HMGCLL1: variants seen among roughly 807,000 people sequenced by gnomAD.
HMGCLL1 encodes the protein 3-hydroxymethyl-3-methylglutaryl-CoA lyase, cytoplasmic.
In HMGCLL1, 36 loss-of-function variants were observed where a neutral mutation model predicts 39.1. The ratio of observed to expected loss-of-function variants is 0.92; its 90% confidence interval spans 0.71 to 1.22. The LOEUF (loss-of-function observed/expected upper bound fraction) is 1.22, where lower values mean the gene tolerates loss of function less well. HMGCLL1 is among the 50% of genes most tolerant of loss of function. The probability of loss-of-function intolerance (pLI) is 0.00; values close to 1 mark genes in which losing one functional copy is unlikely to be tolerated. For synonymous variants in HMGCLL1, 149 were observed against 144.0 expected (o/e 1.03, Z -0.25); for missense variants, 451 against 416.5 (o/e 1.08, Z -0.72).
chr6:55,543,470 C>CATATATCATATATGAT lies in HMGCLL1; in HGVS notation c.109-1331_109-1330insATCATATATGATATAT, dbSNP rs1561951597. On this transcript the variant is annotated intron_variant, in intron 1 of 8. Coordinates refer to ENST00000274901, the MANE Select transcript of HMGCLL1 (RefSeq NM_001042406.2). ...TATATATGATATATATCATATATATCATATATAATATATATATGATATATA... is the reference window on the plus strand; with the variant it reads ...TATATATGATATATATCATATATATCATATATCATATATGATATATATAATATATATATGATATATA... 1.4e-3 allele frequency among the ~76,000 whole-genome samples: 12 copies of CATATATCATATATGAT among 8,788 alleles called. 1 individual carries two copies. The highest frequency in any genetic ancestry group is 3.0e-3 in the African/African-American group (12 of 4,022). The allele number at this position is 8,788 out of a possible 152,430, so 5.8% of individuals were successfully genotyped here. A position where few individuals can be genotyped will look rare whatever the true frequency, so the allele number is the denominator to read the frequency against.
At chr6:55,443,642 G>A (rs1763698808) in intron 7 of HMGCLL1, among the ~76,000 whole-genome samples, 1 of 151,202 alleles carries the variant, frequency 6.6e-6, no homozygotes, top group African/African-American at 2.4e-5. Context: ...AATGACCAAT[G>A]TCACACTAGA....
At chr6:55,573,260 C>G (rs944519172) in intron 1 of HMGCLL1, among the ~76,000 whole-genome samples, 3 of 152,096 alleles carry the variant, frequency 2.0e-5, no homozygotes, top group Non-Finnish European at 4.4e-5. Context: ...AGAGAAATCC[C>G]ACCTGAGAAG....
At chr6:55,563,834 G>A in intron 1 of HMGCLL1, 1 of 1,270,552 alleles carries the variant, frequency 7.9e-7, no homozygotes, top group South Asian at 1.2e-5. Flanking sequence ...GTAAAAGAGG[G>A]AGAGGTGCCC....
At chr6:55,579,977 G>C (rs888248532), upstream of HMGCLL1, among the ~76,000 whole-genome samples, 1 of 152,120 alleles carries the variant, frequency 6.6e-6, no homozygotes, top group Non-Finnish European at 1.5e-5. Flanking sequence ...TTCGCAGTGG[G>C]TTCAGTGGTT....
chr6:55,480,256 A>T (rs1022500788), intron 7 of HMGCLL1, among the ~76,000 whole-genome samples: 1 of 151,676 alleles, frequency 6.6e-6, no homozygotes, highest in Non-Finnish European at 1.5e-5. Context: ...CGAATATACA[A>T]GGAGCTCAAA....
At chr6:55,612,923 A>G in the HMGCLL1 span, among the ~76,000 whole-genome samples, 10,270 of 152,158 alleles carry the variant, frequency 0.067, 498 homozygotes, top group East Asian at 0.17. Context: ...CAAAAAGCAT[A>G]TGTAACAAAA....
chr6:55,541,704 A>C, intron 3 of HMGCLL1, 25 bp downstream of exon 3: 1 of 1,170,612 alleles, frequency 8.5e-7, no homozygotes, highest in Non-Finnish European at 1.2e-6. Flanking sequence ...TTAGGATCTA[A>C]TTAAGAAATT....
the HMGCLL1 span, among the ~76,000 whole-genome samples, chr6:55,591,604 G>A: frequency 2.7e-5 from 4 of 147,230 alleles, no homozygotes; most frequent in Admixed American, 6.8e-5. Context: ...TGGCATACTC[G>A]TTAATACATT....
At chr6:55,675,104 A>G in the HMGCLL1 span, among the ~76,000 whole-genome samples, 2 of 152,272 alleles carry the variant, frequency 1.3e-5, no homozygotes, top group Non-Finnish European at 2.9e-5. Flanking sequence ...GTAAATAAAT[A>G]TTTTTGATCA....
intron 1 of HMGCLL1, among the ~76,000 whole-genome samples, chr6:55,576,066 T>G (rs1771746620): frequency 6.6e-6 from 1 of 152,196 alleles, no homozygotes; most frequent in Non-Finnish European, 1.5e-5. Flanking sequence ...GTGAATTGCT[T>G]CCTTAGTTTT....
chr6:55,543,208 T>A (rs796427361), intron 1 of HMGCLL1, among the ~76,000 whole-genome samples: 1 of 13,974 alleles, frequency 7.2e-5, no homozygotes, highest in African/African-American at 2.0e-4. Context: ...ATATTATATA[T>A]TATATATTAT....
the HMGCLL1 span, among the ~76,000 whole-genome samples, chr6:55,607,793 T>G: frequency 1.3e-5 from 2 of 152,126 alleles, no homozygotes; most frequent in Non-Finnish European, 2.9e-5. Flanking sequence ...TCCTCAAAAA[T>G]CTACTTCTCC....
At chr6:55,581,281 GT>G (rs1200962657), upstream of HMGCLL1, among the ~76,000 whole-genome samples, 2 of 151,574 alleles carry the variant, frequency 1.3e-5, no homozygotes, top group African/African-American at 2.4e-5. Flanking sequence ...AGTGATACGT[GT>G]TTTTTTACAG....
chr6:55,666,837 C>A, the HMGCLL1 span, among the ~76,000 whole-genome samples: 22 of 151,656 alleles, frequency 1.5e-4, 1 homozygote, highest in Admixed American at 1.3e-3. Flanking sequence ...ATGGAACATC[C>A]CTTAACCAGA....
rs574207170 is a variant in HMGCLL1 at position 55,493,417 on chromosome 6, C to A, written c.795+2002G>T. Among the ~76,000 whole-genome samples, 3 of 152,202 alleles carry A rather than the reference C, an allele frequency of 2.0e-5. No homozygotes were observed. In the South Asian group the frequency reaches 6.2e-4, roughly 32 times the overall value. On this transcript the variant is annotated intron_variant, in intron 7 of 8. Coordinates refer to ENST00000274901, the MANE Select transcript of HMGCLL1 (RefSeq NM_001042406.2). The stretch of plus-strand genomic sequence containing the variant: ...CTCATTAATGTTCCTTATCTTGCTT[C>A]GGCCCAACGTTGTTTCCTGTCCCCT...
At chr6:55,437,343 C>T (rs1210992494) in intron 8 of HMGCLL1, among the ~76,000 whole-genome samples, 1 of 151,656 alleles carries the variant, frequency 6.6e-6, no homozygotes, top group Non-Finnish European at 1.5e-5. Context: ...AATTCTGTAC[C>T]ATAGTTAAAG....
At chr6:55,604,111 C>CTTTTTT in the HMGCLL1 span, among the ~76,000 whole-genome samples, 7 of 151,892 alleles carry the variant, frequency 4.6e-5, no homozygotes, top group Non-Finnish European at 1.0e-4. Context: ...AAAAGGAAAG[C>CTTTTTT]ATTTAGAGAA....
At chr6:55,664,943 A>C in the HMGCLL1 span, among the ~76,000 whole-genome samples, 3 of 151,730 alleles carry the variant, frequency 2.0e-5, no homozygotes, top group Non-Finnish European at 4.4e-5. Context: ...AGAAAGAGAC[A>C]GAAAGGGAGA....
the HMGCLL1 span, among the ~76,000 whole-genome samples, chr6:55,623,696 T>C: frequency 1.3e-5 from 2 of 149,196 alleles, no homozygotes; most frequent in African/African-American, 2.4e-5. Flanking sequence ...CATATATACA[T>C]ATACACATAT....
Sources: allele counts gnomAD v4.1 joint callset (sites outside exome capture counted in the v4.1 genomes callset), GRCh38; gene constraint gnomAD v4.1.1; transcripts MANE v1.5; gene names NCBI Gene and HGNC (gene_info 2026-07-23, HGNC 2026-07-21).